SLC4A10: variants seen among roughly 807,000 people sequenced by gnomAD.
The protein encoded by SLC4A10 is sodium-driven chloride bicarbonate exchanger.
A neutral mutation model predicts 137.7 loss-of-function variants in SLC4A10; 42 were observed. The observed-to-expected ratio is 0.30, with a 90% CI of 0.24 to 0.39. The LOEUF (loss-of-function observed/expected upper bound fraction) is 0.39, where lower values mean the gene tolerates loss of function less well. Ranked by LOEUF, SLC4A10 falls within the 10% of genes least tolerant of loss-of-function variation. The probability of loss-of-function intolerance (pLI) is 1.00; values close to 1 mark genes in which losing one functional copy is unlikely to be tolerated. For missense variants in SLC4A10, 925 were observed against 1,355.0 expected, an observed-to-expected ratio of 0.68 and a Z score of 4.98; for synonymous variants, 474 against 464.1, an observed-to-expected ratio of 1.02 and a Z score of -0.27.
At chr2:161,800,882 C>T (rs1167343173) in intron 2 of SLC4A10, among the ~76,000 whole-genome samples, 7 of 151,974 alleles carry the variant, frequency 4.6e-5, no homozygotes, top group Non-Finnish European at 7.4e-5. Context: ...AACCAGAGGT[C>T]GCAGGAACAA....
At chr2:161,744,946 G>A (rs2048256770) in intron 1 of SLC4A10, among the ~76,000 whole-genome samples, 1 of 152,026 alleles carries the variant, frequency 6.6e-6, no homozygotes, top group Non-Finnish European at 1.5e-5. Context: ...GTACCTTTAG[G>A]TGATTGCTTG....
intron 1 of SLC4A10, among the ~76,000 whole-genome samples, chr2:161,645,007 G>A (rs917048415): frequency 1.3e-5 from 2 of 152,136 alleles, no homozygotes; most frequent in Non-Finnish European, 2.9e-5. Flanking sequence ...GCATGAGAGA[G>A]TTACAGGCCA....
chr2:161,882,256 A>C, intron 9 of SLC4A10, 101 bp from the exon 10 acceptor site: 2 of 631,342 alleles, frequency 3.2e-6, no homozygotes, highest in Non-Finnish European at 5.0e-6. Flanking sequence ...TTGCCATCAC[A>C]ATCTCCATTT....
Position 161,684,412 on chromosome 2 carries a change from T to C in SLC4A10, c.48+59846T>C, listed in dbSNP as rs186362499. ...TTCTAGTTCTGCTCATTTAGGAAAA[T>C]TTCTGGAAAAGTGCCCTGGAGAGAT... On this transcript the variant is annotated intron_variant, in intron 1 of 26. Coordinates refer to ENST00000446997, the MANE Select transcript of SLC4A10 (RefSeq NM_001178015.2). Among the ~76,000 whole-genome samples the C allele has an allele frequency of 3.3e-3, 501 of 152,238 alleles. 1 individual carries two copies. Among genetic ancestry groups the C allele is most frequent in the African/African-American group, 0.011 (459 of 41,536 alleles).
intron 15 of SLC4A10, among the ~76,000 whole-genome samples, chr2:161,939,896 G>A (rs1692358697): frequency 6.6e-6 from 1 of 152,072 alleles, no homozygotes; most frequent in Non-Finnish European, 1.5e-5. Flanking sequence ...ACCAAGTAAT[G>A]TGCAATGCTT....
intron 16 of SLC4A10, among the ~76,000 whole-genome samples, chr2:161,945,308 C>A (rs1693589925): frequency 6.8e-6 from 1 of 147,108 alleles, no homozygotes; most frequent in South Asian, 2.1e-4. Flanking sequence ...AAGCAGTTAA[C>A]CAGCATTTGG....
intron 2 of SLC4A10, among the ~76,000 whole-genome samples, chr2:161,776,825 G>C (rs962750978): frequency 1.3e-5 from 2 of 151,010 alleles, no homozygotes; most frequent in Non-Finnish European, 3.0e-5. Flanking sequence ...TGCGCAAGGG[G>C]TCTCCACATC....
chr2:161,792,766 G>A (rs2054345052), intron 2 of SLC4A10, among the ~76,000 whole-genome samples: 1 of 152,102 alleles, frequency 6.6e-6, no homozygotes, highest in African/African-American at 2.4e-5. Context: ...CAAACACTGA[G>A]GGTGCTGAGC....
At chr2:161,641,199 G>A (rs2035275903) in intron 1 of SLC4A10, among the ~76,000 whole-genome samples, 1 of 152,044 alleles carries the variant, frequency 6.6e-6, no homozygotes, top group Non-Finnish European at 1.5e-5. Context: ...CAATATGATA[G>A]GCTAGACAGA....
chr2:161,939,658 A>G (rs1266505524), intron 15 of SLC4A10, among the ~76,000 whole-genome samples: 1 of 152,128 alleles, frequency 6.6e-6, no homozygotes, highest in African/African-American at 2.4e-5. Context: ...TGTAGCGGCT[A>G]TTAACATATA....
chr2:161,826,212 A>G (rs1444838760), intron 3 of SLC4A10, among the ~76,000 whole-genome samples: 1 of 152,218 alleles, frequency 6.6e-6, no homozygotes, highest in Non-Finnish European at 1.5e-5. Context: ...GAACAGAACT[A>G]CCAAACTTGT....
chr2:161,781,581 A>C (rs1262190482), intron 2 of SLC4A10, among the ~76,000 whole-genome samples: 1 of 152,082 alleles, frequency 6.6e-6, no homozygotes, highest in Admixed American at 6.6e-5. Context: ...ATGTGCCAAG[A>C]GTAAACAAAC....
intron 2 of SLC4A10, among the ~76,000 whole-genome samples, chr2:161,778,479 G>C (rs1374329541): frequency 6.6e-6 from 1 of 151,740 alleles, no homozygotes; most frequent in African/African-American, 2.4e-5. Flanking sequence ...TACTGAAACT[G>C]GATAGGTACT....
intron 8 of SLC4A10, among the ~76,000 whole-genome samples, chr2:161,874,998 A>G (rs2061375822): frequency 6.6e-6 from 1 of 152,180 alleles, no homozygotes. Flanking sequence ...GAAACACCAG[A>G]CCATAATTGA....
intron 1 of SLC4A10, among the ~76,000 whole-genome samples, chr2:161,697,373 C>T (rs1369660939): frequency 2.0e-5 from 3 of 152,078 alleles, no homozygotes; most frequent in Non-Finnish European, 4.4e-5. Flanking sequence ...GACATGAAGT[C>T]CTTGCCCATG....
rs186670469 is a variant in SLC4A10, at chr2:161,778,772, A to T, written c.130+7718A>T. Among the ~76,000 whole-genome samples the T allele has an allele frequency of 1.3e-3, 199 of 151,648 alleles. 1 individual carries two copies. The highest frequency in any genetic ancestry group is 4.2e-3 in the African/African-American group (175 of 41,450). ...TGCAAATTAAATTTAAAGATACTTTAAAAAAAACTGTATTGCTTTTAGCAG... is the reference window on the plus strand; with the variant it reads ...TGCAAATTAAATTTAAAGATACTTTTAAAAAAACTGTATTGCTTTTAGCAG... On this transcript the variant is annotated intron_variant, in intron 2 of 26. Transcript: ENST00000446997.
At position 161,976,818 on chromosome 2, in the gene SLC4A10, A is replaced by G; in HGVS notation, c.3286A>G (p.Asn1096Asp). The stretch of plus-strand genomic sequence containing the variant: ...AATGTCAAAGACTGCCTTGTGGAGG[A>G]ACCTTCTGATTACTGCCGATAACTC... ...DEMSKTALWR[N>D]LLITADNSKD... Residue 1096 changes from asparagine to aspartate, a missense_variant, in exon 25 of 27, where the codon AAC becomes GAC. This residue lies in a region of SLC4A10 where 84 missense variants were observed against 76.9 expected (regional missense o/e 1.09). Transcript: ENST00000446997. The G allele has an allele frequency of 6.2e-7, 1 of 1,606,598 alleles. No homozygotes were observed. The highest frequency in any genetic ancestry group is 1.3e-5 in the African/African-American group (1 of 74,962).
chr2:161,756,845 T>C (rs1231965469), intron 1 of SLC4A10, among the ~76,000 whole-genome samples: 1 of 152,172 alleles, frequency 6.6e-6, no homozygotes, highest in Admixed American at 6.5e-5. Context: ...GCATATATAT[T>C]CTTATAGACA....
chr2:161,940,369 C>T (rs1045073067), intron 15 of SLC4A10, among the ~76,000 whole-genome samples: 1 of 152,124 alleles, frequency 6.6e-6, no homozygotes, highest in Non-Finnish European at 1.5e-5. Flanking sequence ...TTGGGGCTCC[C>T]TTCTCTCACC....
Sources: allele counts gnomAD v4.1 joint callset (sites outside exome capture counted in the v4.1 genomes callset), GRCh38; gene constraint gnomAD v4.1.1; regional missense constraint gnomAD v4.1.1; transcripts MANE v1.5; gene names NCBI Gene and HGNC (gene_info 2026-07-23, HGNC 2026-07-21).